Variants in CCDC92 observed in about 807,000 individuals in gnomAD.
CCDC92 encodes the protein coiled-coil domain containing 92.
In CCDC92, 12 loss-of-function variants were observed where a neutral mutation model predicts 24.9. The ratio of observed to expected loss-of-function variants is 0.48; its 90% CI spans 0.31 to 0.78. The LOEUF (loss-of-function observed/expected upper bound fraction) is 0.78. CCDC92 is among the 30% of genes least tolerant of loss of function. The pLI is 0.05. For missense variants in CCDC92, 399 were observed against 439.4 expected (o/e 0.91, Z 0.82); for synonymous variants, 193 against 196.3 (o/e 0.98, Z 0.14).
At chr12:123,944,623 A>T in intron 1 of CCDC92, 1 of 287,488 alleles carries the variant, frequency 3.5e-6, no homozygotes, top group Non-Finnish European at 6.4e-6. Flanking sequence ...ATGCATGCAC[A>T]CTAGCTCTGG....
chr12:123,940,511 C>T (rs1955652149), intron 4 of CCDC92, among the ~76,000 whole-genome samples: 1 of 152,224 alleles, frequency 6.6e-6, no homozygotes, highest in South Asian at 2.1e-4. Context: ...CCTCCATCCC[C>T]AGCTCTGGAG....
In CCDC92 at chr12:123,937,550, C is replaced by T. The variant is rs1594442296; in HGVS notation, c.504G>A (p.Lys168=). The change falls in exon 5 of 5, where the codon AAG becomes AAA. Residue 168 remains lysine (K), a synonymous_variant. Transcript: ENST00000238156. The surrounding 1 kb of genome is among the most constrained non-coding windows in gnomAD (Gnocchi z 8.4). ...CTGAGGTCCCGCTGGAGCTCATGAG[C>T]TTCTTCTTGGCGGCGTGCAGCTGGG... ...LTSQLHAAKK[K]LMSSSGTSDA... is the part of the protein sequence containing the mutation. The T allele has an allele frequency of 5.0e-6, 8 of 1,612,360 alleles. No homozygotes were observed. The highest frequency in any genetic ancestry group is 5.1e-6 in the Non-Finnish European group (6 of 1,179,958).
chr12:123,971,829 G>C (rs535410397), intron 1 of CCDC92: 2 of 152,390 alleles, frequency 1.3e-5, no homozygotes, highest in Non-Finnish European at 2.9e-5. Context: ...CAGGCAAATC[G>C]TTACTCAGAG....
chr12:123,971,834 T>C (rs1956549763), intron 1 of CCDC92: 1 of 152,264 alleles, frequency 6.6e-6, no homozygotes, highest in Non-Finnish European at 1.5e-5. Context: ...AAATCGTTAC[T>C]CAGAGTAAAC....
At chr12:123,954,486 G>GTA (rs1255519471) in intron 1 of CCDC92, among the ~76,000 whole-genome samples, 1 of 152,210 alleles carries the variant, frequency 6.6e-6, no homozygotes, top group Non-Finnish European at 1.5e-5. Flanking sequence ...CATGGAAAGA[G>GTA]GGTACGCAGC....
chr12:123,951,560 C>T (rs1428791365), intron 1 of CCDC92, among the ~76,000 whole-genome samples: 1 of 152,212 alleles, frequency 6.6e-6, no homozygotes, highest in Non-Finnish European at 1.5e-5. Context: ...TAAGTTATGA[C>T]CCATTCACAT....
intron 1 of CCDC92, among the ~76,000 whole-genome samples, chr12:123,970,501 C>T (rs1435615799): frequency 1.3e-5 from 2 of 152,262 alleles, no homozygotes; most frequent in African/African-American, 4.8e-5. Flanking sequence ...ACAGCCACTT[C>T]CGTGCCCAAA....
In CCDC92 at chr12:123,972,684, G is replaced by T. The variant is rs1594529433; in HGVS notation, c.-215C>A. On this transcript the variant is annotated 5_prime_UTR_variant, in exon 1 of 5. Coordinates refer to ENST00000238156, the MANE Select transcript of CCDC92 (RefSeq NM_025140.3). Reference sequence around the variant, plus strand: ...CGCTGCCCGGGCCGGGCCGCCGAGGGAGGTCAGTGGGCACCGCCCGCCCGG... The same window carrying T: ...CGCTGCCCGGGCCGGGCCGCCGAGGTAGGTCAGTGGGCACCGCCCGCCCGG... 3 of 147,350 alleles carry T rather than the reference G, an allele frequency of 2.0e-5. No individual in the cohort carries two copies. In the South Asian group the frequency reaches 6.2e-4, roughly 31 times the overall value. The allele number at this position is 147,350 out of a possible 1,614,324, so 9.1% of individuals were successfully genotyped here. A position where few individuals can be genotyped will look rare whatever the true frequency, so the allele number is the denominator to read the frequency against.
At chr12:123,955,537 C>T (rs1397135186) in intron 1 of CCDC92, among the ~76,000 whole-genome samples, 2 of 152,204 alleles carry the variant, frequency 1.3e-5, no homozygotes, top group Non-Finnish European at 2.9e-5. Flanking sequence ...AACAGATGGA[C>T]CAATTCACCT....
In CCDC92 at chr12:123,941,983, T is replaced by A. The variant is rs149983130; in HGVS notation, c.223+761A>T. 2.4e-3 allele frequency among the ~76,000 whole-genome samples: 369 copies of A among 152,344 alleles called. 2 individuals carry two copies. Among genetic ancestry groups the A allele is most frequent in the African/African-American group, 8.5e-3 (355 of 41,580 alleles). ...GACTGCTGGCGAGTTGCACCCTTTC[T>A]GCAGAAAGTAAACTAGCCTTGCTGA... On this transcript the variant is annotated intron_variant, in intron 4 of 4. Transcript: ENST00000238156.
At chr12:123,951,450 A>T (rs1956023390) in intron 1 of CCDC92, among the ~76,000 whole-genome samples, 3 of 152,256 alleles carry the variant, frequency 2.0e-5, no homozygotes, top group South Asian at 4.1e-4. Context: ...GCCTGTGGAA[A>T]CAGGGTAATA....
intron 1 of CCDC92, among the ~76,000 whole-genome samples, chr12:123,948,625 C>T (rs1955945154): frequency 2.0e-5 from 3 of 152,228 alleles, no homozygotes; most frequent in Admixed American, 6.5e-5. Context: ...GACTGTCGCT[C>T]TCCCCTTCTT....
intron 1 of CCDC92, among the ~76,000 whole-genome samples, chr12:123,960,049 T>A (rs1194413237): frequency 6.6e-6 from 1 of 152,252 alleles, no homozygotes; most frequent in South Asian, 2.1e-4. Flanking sequence ...TATGTCTTCG[T>A]AGCATTTATC....
intron 1 of CCDC92, chr12:123,968,321 T>G (rs1239990075): frequency 6.6e-6 from 1 of 152,264 alleles, no homozygotes; most frequent in Non-Finnish European, 1.5e-5. Context: ...GCATGTAAAC[T>G]GTTTTCTGAT....
intron 1 of CCDC92, chr12:123,965,960 G>C (rs895345636): frequency 6.6e-6 from 1 of 152,214 alleles, no homozygotes; most frequent in Non-Finnish European, 1.5e-5. Context: ...GCATTTATAA[G>C]CATATTCACA....
At chr12:123,957,673 G>A (rs1185222123) in intron 1 of CCDC92, among the ~76,000 whole-genome samples, 1 of 147,658 alleles carries the variant, frequency 6.8e-6, no homozygotes, top group Non-Finnish European at 1.5e-5. Context: ...GCTTACGGAT[G>A]ATCACTTAAT....
intron 1 of CCDC92, among the ~76,000 whole-genome samples, chr12:123,951,718 G>A (rs1288234504): frequency 6.6e-6 from 1 of 152,204 alleles, no homozygotes; most frequent in African/African-American, 2.4e-5. Context: ...CTTTTCTGTG[G>A]GCACTTTCTG....
At chr12:123,963,070 G>A (rs115537570) in intron 1 of CCDC92, among the ~76,000 whole-genome samples, 2 of 152,150 alleles carry the variant, frequency 1.3e-5, no homozygotes, top group African/African-American at 4.8e-5. Flanking sequence ...TGTCATGAGC[G>A]TGTGGGTGGG....
intron 1 of CCDC92, among the ~76,000 whole-genome samples, chr12:123,957,643 A>G (rs1956177750): frequency 6.6e-6 from 1 of 151,452 alleles, no homozygotes; most frequent in African/African-American, 2.4e-5. Flanking sequence ...ACCATTATTT[A>G]CCAAATTTCT....
Sources: gnomAD v4.1 joint callset for allele counts (sites outside exome capture counted in the v4.1 genomes callset) on GRCh38, gnomAD v4.1.1 for gene constraint, Gnocchi (gnomAD v3.1) non-coding constraint, MANE v1.5 for transcripts, NCBI Gene and HGNC (gene_info 2026-07-23, HGNC 2026-07-21) for gene names.